Variants in NUP214 observed in about 807,000 individuals in gnomAD.
NUP214 encodes the protein nuclear pore complex protein Nup214.
Under a neutral mutation model 196.2 loss-of-function variants are expected in NUP214, and 79 were observed. The ratio of observed to expected loss-of-function variants is 0.40; its 90% CI spans 0.34 to 0.49. The LOEUF (loss-of-function observed/expected upper bound fraction) is 0.49, where lower values mean the gene tolerates loss of function less well. NUP214 is among the 20% of genes least tolerant of loss of function. The pLI is 0.58. For synonymous variants in NUP214, 1,020 were observed against 990.5 expected, an observed-to-expected ratio of 1.03 and a Z score of -0.56; for missense variants, 2,468 against 2,539.0, an observed-to-expected ratio of 0.97 and a Z score of 0.60.
At chr9:131,215,467 A>C in intron 31 of NUP214, 99 bp downstream of exon 31, 1 of 1,264,178 alleles carries the variant, frequency 7.9e-7, no homozygotes, top group Non-Finnish European at 1.1e-6. Flanking sequence ...AAAAGAAAAA[A>C]AAATCTAGAA....
At chr9:131,168,940 T>G (rs1832866736) in intron 21 of NUP214, among the ~76,000 whole-genome samples, 1 of 152,062 alleles carries the variant, frequency 6.6e-6, no homozygotes, top group African/African-American at 2.4e-5. Context: ...CACACTGCCT[T>G]AATTAGTGCT....
intron 27 of NUP214, among the ~76,000 whole-genome samples, chr9:131,194,762 G>T (rs1833727193): frequency 1.3e-5 from 2 of 152,218 alleles, no homozygotes; most frequent in South Asian, 2.1e-4. Context: ...TTCCCTAGCA[G>T]TGTGGGGCTC....
chr9:131,137,604 G>T (rs1831773228), intron 9 of NUP214, among the ~76,000 whole-genome samples: 1 of 134,754 alleles, frequency 7.4e-6, no homozygotes, highest in East Asian at 2.2e-4. Context: ...GTCACCCAGT[G>T]CATTGGCGCC....
chr9:131,145,427 A>G (rs942358056), intron 12 of NUP214, among the ~76,000 whole-genome samples: 2 of 152,120 alleles, frequency 1.3e-5, no homozygotes, highest in Non-Finnish European at 2.9e-5. Flanking sequence ...CATCGAGTAT[A>G]AGTACTACCA....
At chr9:131,185,862 A>T (rs1833437579) in intron 24 of NUP214, among the ~76,000 whole-genome samples, 2 of 152,220 alleles carry the variant, frequency 1.3e-5, no homozygotes, top group South Asian at 4.1e-4. Flanking sequence ...ATCACAAATA[A>T]ATAGAATAAT....
Position 131,174,168 on chromosome 9 carries a change from T to G in NUP214, c.3007T>G (p.Cys1003Gly), listed in dbSNP as rs769905840. 2.5e-6 allele frequency: 4 copies of G among 1,613,882 alleles called. No homozygotes were observed. In the South Asian group the frequency reaches 3.3e-5, roughly 13 times the overall value. ...SLESEDARTS[C>G]KDDEAVVQAP... Reference sequence around the variant, plus strand: ...GGAGAGTGAAGATGCACGGACGTCCTGTAAAGATGACGAGGCAGTGGTTCA... The same window carrying G: ...GGAGAGTGAAGATGCACGGACGTCCGGTAAAGATGACGAGGCAGTGGTTCA... Residue 1003 changes from cysteine (C) to glycine (G), a missense_variant, in exon 22 of 36, where the codon TGT becomes GGT. Physicochemically the swap from Cys to Gly is radical, Grantham distance 159. Around this residue, in one of 5 missense-constraint regions of NUP214, gnomAD observed 1,801 missense variants for 1,779.4 expected, o/e 1.01. Transcript: ENST00000359428.
At chr9:131,204,523 C>T (rs113615778) in intron 30 of NUP214, among the ~76,000 whole-genome samples, 10 of 152,132 alleles carry the variant, frequency 6.6e-5, no homozygotes, top group Non-Finnish European at 8.8e-5. Flanking sequence ...TAAACGAATG[C>T]GCATGATTGT....
At chr9:131,187,468 C>T in intron 25 of NUP214, 104 bp downstream of exon 25, 1 of 782,828 alleles carries the variant, frequency 1.3e-6, no homozygotes, top group Non-Finnish European at 2.1e-6. Context: ...CTCACCGCAA[C>T]CTCTGCCTCC....
In NUP214 at chr9:131,144,342, G is replaced by T. The variant is rs778869826; in HGVS notation, c.1357G>T (p.Ala453Ser). The change falls in exon 12 of 36, where the codon GCA (alanine) becomes TCA (serine). Residue 453 changes from alanine (A) to serine (S), a missense_variant. Physicochemically the swap from Ala to Ser is moderately conservative, Grantham distance 99. Coordinates refer to ENST00000359428, the MANE Select transcript of NUP214 (RefSeq NM_005085.4). ...ACAGAAACTGGATGCTTCTGCAGCT[G>T]CAGCCCCTGCCTCTCTGCCACCTTC... ...APQKLDASAA[A>S]APASLPPSSP... 1 of 1,614,066 alleles carries T rather than the reference G, an allele frequency of 6.2e-7. No homozygotes were observed. The highest frequency in any genetic ancestry group is 8.5e-7 in the Non-Finnish European group (1 of 1,180,026).
chr9:131,206,956 C>T (rs1271171531), intron 30 of NUP214, among the ~76,000 whole-genome samples: 2 of 152,138 alleles, frequency 1.3e-5, no homozygotes, highest in Non-Finnish European at 2.9e-5. Flanking sequence ...TCTATGATGG[C>T]AGGGGCCTTA....
At chr9:131,174,729 C>T (rs1053756515) in intron 22 of NUP214, among the ~76,000 whole-genome samples, 54 of 152,062 alleles carry the variant, frequency 3.6e-4, no homozygotes, top group African/African-American at 1.3e-3. Context: ...GGTAGGATTA[C>T]AGGCATGAGC....
chr9:131,197,153 G>A, intron 28 of NUP214, 63 bp from the exon 29 acceptor site: 2 of 1,571,318 alleles, frequency 1.3e-6, no homozygotes, highest in African/African-American at 1.4e-5. Context: ...CACAATCAGT[G>A]GAAATGTAAT....
chr9:131,139,259 T>A, intron 9 of NUP214, 22 bp from the exon 10 acceptor site: 2 of 1,232,562 alleles, frequency 1.6e-6, no homozygotes, highest in East Asian at 3.4e-5. Context: ...CTTCTTCTTT[T>A]TTTTTTTTTT....
rs750418401 is a variant in NUP214, at chr9:131,189,065, A to G, written c.3508A>G (p.Asn1170Asp). 3 of 1,613,862 alleles carry G rather than the reference A, an allele frequency of 1.9e-6. No homozygotes were observed. The East Asian group carries it at 6.7e-5, about 36-fold the overall frequency. The change falls in exon 26 of 36, where the codon AAT becomes GAT. Residue 1170 changes from asparagine (N) to aspartate (D), a missense_variant. Coordinates refer to ENST00000359428, the MANE Select transcript of NUP214 (RefSeq NM_005085.4). ...CATTCTGTTATAGGGGTCTCTAATA[A>G]ATTCCCTTAAGCCATCTGGGCCTAC... ...ANQAKQGSLI[N>D]SLKPSGPTPA...
chr9:131,150,686 C>G lies in NUP214; in HGVS notation c.2198C>G (p.Thr733Ser), dbSNP rs147793759. 6.4e-5 allele frequency: 104 copies of G among 1,614,080 alleles called. 1 individual carries two copies. In the African/African-American group the frequency reaches 1.3e-3, roughly 21 times the overall value. The change falls in exon 16 of 36, where the codon ACT (threonine) becomes AGT (serine). Residue 733 changes from threonine to serine, a missense_variant. This residue lies in a region of NUP214 where 1,801 missense variants were observed against 1,779.4 expected (regional missense o/e 1.01). Coordinates refer to ENST00000359428, the MANE Select transcript of NUP214 (RefSeq NM_005085.4). ...TCCAAAGCCTGTTTCCAAGTGGGCACTTCTGAGGAGATGAAGATGCTGCGA... is the reference window on the plus strand; with the variant it reads ...TCCAAAGCCTGTTTCCAAGTGGGCAGTTCTGAGGAGATGAAGATGCTGCGA... ...RTSKACFQVG[T>S]SEEMKMLRTE...
rs528695111 is a variant in NUP214 at position 131,187,383 on chromosome 9, CTT to C, written c.3495+39_3495+40del. On this transcript the variant is annotated intron_variant, in intron 25 of 35. Transcript: ENST00000359428. ...CAAGCAGGTAACTTACTGATTTTTACTTTTTTTTTTTTTTTTTTTTTGAGACA... is the reference window on the plus strand; with the variant it reads ...CAAGCAGGTAACTTACTGATTTTTACTTTTTTTTTTTTTTTTTTTGAGACA... The C allele has an allele frequency of 0.037, 37,603 of 1,021,160 alleles. No individual in the cohort carries two copies. Among genetic ancestry groups the C allele is most frequent in the Non-Finnish European group, 0.04 (29,597 of 744,766 alleles). The allele number at this position is 1,021,160 out of a possible 1,614,324, so 63.3% of individuals were successfully genotyped here.
rs148247734 is a variant in NUP214, at chr9:131,128,607, T to TA, written c.393+133dup. ...TTTCTCTCTAGATTAAAATATGGGTTAAAAAAAAATCCTTAATTATAGAAT... is the reference window on the plus strand; with the variant it reads ...TTTCTCTCTAGATTAAAATATGGGTTAAAAAAAAAATCCTTAATTATAGAAT... On this transcript the variant is annotated intron_variant, in intron 3 of 35. Coordinates refer to ENST00000359428, the MANE Select transcript of NUP214 (RefSeq NM_005085.4). 5.9e-3 allele frequency: 4,500 copies of TA among 767,424 alleles called. 122 individuals carry two copies. The African/African-American group carries it at 0.069, about 12-fold the overall frequency. 47.5% of individuals were successfully genotyped at this position (767,424 alleles called of 1,614,324 possible).
intron 4 of NUP214, 112 bp downstream of exon 4, chr9:131,129,589 G>T: frequency 2.9e-6 from 3 of 1,021,444 alleles, no homozygotes; most frequent in Non-Finnish European, 4.4e-6. Context: ...TTTTTTTCAT[G>T]ACGAGGGAGG....
In NUP214 at chr9:131,197,615, T is replaced by G. The variant is rs1381274892; in HGVS notation, c.4121T>G (p.Phe1374Cys). The change falls in exon 29 of 36, where the codon TTT becomes TGT. Residue 1374 changes from phenylalanine to cysteine, a missense_variant. This residue lies in a region of NUP214 where 1,801 missense variants were observed against 1,779.4 expected (regional missense o/e 1.01). Transcript: ENST00000359428. Reference protein sequence around the residue: ...KTSGVPSGFNFTAPPVLGKHT... With the variant: ...KTSGVPSGFNCTAPPVLGKHT... ...TCAGGCGTGCCCTCAGGGTTTAATT[T>G]TACTGCCCCCCCGGTGTTAGGGAAG... 2 of 1,614,124 alleles carry G rather than the reference T, an allele frequency of 1.2e-6. No homozygotes were observed. Among genetic ancestry groups the G allele is most frequent in the South Asian group, 2.2e-5 (2 of 91,084 alleles).
Sources: allele counts gnomAD v4.1 joint callset (sites outside exome capture counted in the v4.1 genomes callset), GRCh38; gene constraint gnomAD v4.1.1; regional missense constraint gnomAD v4.1.1; transcripts MANE v1.5; gene names NCBI Gene and HGNC (gene_info 2026-07-23, HGNC 2026-07-21).